Variants in SLC25A53 observed in about 807,000 individuals in gnomAD.
SLC25A53 encodes the protein mitochondrial carrier triple repeat protein 6.
Under a neutral mutation model 15.0 loss-of-function variants are expected in SLC25A53, and 5 were observed. The observed-to-expected ratio is 0.33, with a 90% CI of 0.17 to 0.70. The LOEUF is 0.70. SLC25A53 is among the 30% of genes least tolerant of loss of function. SLC25A53 has a pLI of 0.67. For synonymous variants in SLC25A53, 95 were observed against 100.0 expected (o/e 0.95, Z 0.30); for missense variants, 216 against 241.6 (o/e 0.89, Z 0.70).
chrX:104,116,519 G>A (rs2075377436), intron 1 of SLC25A53, among the ~76,000 whole-genome samples: 1 of 110,975 alleles, frequency 9.0e-6, no homozygotes, highest in Non-Finnish European at 1.9e-5. Flanking sequence ...GGGGAGAGGG[G>A]GAGGGGTATG....
chrX:104,151,682 G>A (rs782410783), intron 1 of SLC25A53, among the ~76,000 whole-genome samples: 56 of 111,643 alleles, frequency 5.0e-4, no homozygotes, highest in Admixed American at 2.7e-3. Context: ...GAGTAATCGC[G>A]TTTGCTGCTT....
At chrX:104,128,145 A>G (rs1169343578) in intron 1 of SLC25A53, among the ~76,000 whole-genome samples, 2 of 111,654 alleles carry the variant, frequency 1.8e-5, no homozygotes, top group African/African-American at 6.5e-5. Context: ...TGCTAAAAAG[A>G]AGTGTATCAG....
chrX:104,115,843 C>T (rs782453272), intron 1 of SLC25A53: 1 of 122,801 alleles, frequency 8.1e-6, no homozygotes, highest in Admixed American at 9.5e-5. Flanking sequence ...AAATATCTAA[C>T]TTCATGTCTC....
At position 104,104,305 on chromosome X, in the gene SLC25A53, A is replaced by T; in HGVS notation, c.*29T>A. ...AACCAACCAGGGAAGATTTAGAATAACAAAGCTGCCATGCCACACTTTCTG... is the reference window on the plus strand; with the variant it reads ...AACCAACCAGGGAAGATTTAGAATATCAAAGCTGCCATGCCACACTTTCTG... On this transcript the variant is annotated 3_prime_UTR_variant, in exon 2 of 2. Coordinates refer to ENST00000594199, the MANE Select transcript of SLC25A53 (RefSeq NM_001012755.5). 2 of 1,190,114 alleles carry T rather than the reference A, an allele frequency of 1.7e-6. No individual in the cohort carries two copies. The highest frequency in any genetic ancestry group is 2.3e-6 in the Non-Finnish European group (2 of 880,850).
intron 1 of SLC25A53, among the ~76,000 whole-genome samples, chrX:104,148,002 G>A (rs1490288243): frequency 2.7e-5 from 3 of 111,786 alleles, no homozygotes; most frequent in Non-Finnish European, 5.6e-5. Flanking sequence ...ACGTGCACAC[G>A]TATGTTTATT....
At chrX:104,126,636 G>A (rs1207332624) in intron 1 of SLC25A53, among the ~76,000 whole-genome samples, 1 of 111,400 alleles carries the variant, frequency 9.0e-6, no homozygotes, top group Non-Finnish European at 1.9e-5. Context: ...GGGTGACAGA[G>A]TGAGACCCTG....
chrX:104,115,221 G>A, intron 1 of SLC25A53: 1 of 1,207,524 alleles, frequency 8.3e-7, no homozygotes, highest in Non-Finnish European at 1.1e-6. Flanking sequence ...ACAAGGCCCA[G>A]GTTTTTGAGA....
chrX:104,128,961 G>A (rs988438394), intron 1 of SLC25A53, among the ~76,000 whole-genome samples: 6 of 111,584 alleles, frequency 5.4e-5, no homozygotes, highest in Non-Finnish European at 7.5e-5. Context: ...ACACAACCTT[G>A]TTTTATGTAT....
chrX:104,101,261 G>A lies in SLC25A53; in HGVS notation c.*3073C>T, dbSNP rs1349385737. 8.9e-6 allele frequency: 1 copy of A among 112,491 alleles called. No homozygotes were observed. The highest frequency in any genetic ancestry group is 3.7e-4 in the South Asian group (1 of 2,705). 9.3% of individuals were successfully genotyped at this position (112,491 alleles called of 1,213,427 possible). ...GAACCTCCACATGTTCAGCTATCTG[G>A]AAGCTCTCCAAACCCAGTGCTTTGG... is the stretch of plus-strand genomic sequence containing the variant. On this transcript the variant is annotated 3_prime_UTR_variant, in exon 2 of 2. Coordinates refer to ENST00000594199, the MANE Select transcript of SLC25A53 (RefSeq NM_001012755.5).
chrX:104,133,917 G>C (rs1429512499), intron 1 of SLC25A53, among the ~76,000 whole-genome samples: 2 of 111,590 alleles, frequency 1.8e-5, no homozygotes, highest in African/African-American at 3.3e-5. Context: ...AAAACCAAGA[G>C]GCAATATTTT....
chrX:104,144,112 G>A (rs1451150230), intron 1 of SLC25A53, among the ~76,000 whole-genome samples: 1 of 111,805 alleles, frequency 8.9e-6, no homozygotes, highest in Admixed American at 9.5e-5. Flanking sequence ...ACTAAACATG[G>A]AAAGGAACAA....
intron 1 of SLC25A53, among the ~76,000 whole-genome samples, chrX:104,111,216 C>T (rs1556358451): frequency 8.9e-6 from 1 of 112,080 alleles, no homozygotes; most frequent in Non-Finnish European, 1.9e-5. Flanking sequence ...CACTCTTCAC[C>T]CCTAGTCCTA....
chrX:104,156,547 T>G (rs894660888), intron 1 of SLC25A53, among the ~76,000 whole-genome samples: 2 of 111,142 alleles, frequency 1.8e-5, no homozygotes, highest in Non-Finnish European at 3.8e-5. Context: ...GTGACTCAGA[T>G]GTACTGGTGC....
intron 1 of SLC25A53, among the ~76,000 whole-genome samples, chrX:104,111,351 A>C (rs1556358622): frequency 4.5e-5 from 5 of 111,923 alleles, no homozygotes; most frequent in Non-Finnish European, 9.4e-5. Flanking sequence ...CTGGATTCAG[A>C]GACTCAGTTC....
intron 1 of SLC25A53, among the ~76,000 whole-genome samples, chrX:104,141,701 C>A (rs1232284944): frequency 9.0e-6 from 1 of 111,384 alleles, no homozygotes; most frequent in Non-Finnish European, 1.9e-5. Flanking sequence ...GATCCTCCCA[C>A]CTCAGCCTCC....
chrX:104,121,893 A>C (rs1342822066), intron 1 of SLC25A53, among the ~76,000 whole-genome samples: 1 of 18,228 alleles, frequency 5.5e-5, no homozygotes, highest in African/African-American at 2.0e-4. Flanking sequence ...ATATATATAT[A>C]TATATATATA....
intron 1 of SLC25A53, among the ~76,000 whole-genome samples, chrX:104,153,260 A>T (rs868908177): frequency 1.6e-4 from 8 of 49,313 alleles, no homozygotes; most frequent in Admixed American, 1.2e-3. Context: ...ATATATATAT[A>T]TATTTTTTTT....
intron 1 of SLC25A53, among the ~76,000 whole-genome samples, chrX:104,156,185 T>C (rs1556371402): frequency 9.0e-6 from 1 of 111,500 alleles, no homozygotes; most frequent in African/African-American, 3.3e-5. Context: ...TTGCACTTCG[T>C]TTTTGCCCTG....
At chrX:104,133,781 C>A (rs1556365913) in intron 1 of SLC25A53, among the ~76,000 whole-genome samples, 24 of 111,214 alleles carry the variant, frequency 2.2e-4, no homozygotes, top group Non-Finnish European at 1.1e-4. Context: ...GAGACTCGAA[C>A]ATGAACAGGA....
Sources: gnomAD v4.1 joint callset for allele counts (sites outside exome capture counted in the v4.1 genomes callset) on GRCh38, gnomAD v4.1.1 for gene constraint, MANE v1.5 for transcripts, NCBI Gene and HGNC (gene_info 2026-07-23, HGNC 2026-07-21) for gene names.